Variants in MAST4 observed in about 807,000 individuals in gnomAD.
MAST4 encodes microtubule-associated serine/threonine-protein kinase 4.
In MAST4, 89 loss-of-function variants were observed where a neutral mutation model predicts 162.7. That is an observed-to-expected ratio of 0.55 (90% CI 0.46 to 0.65). The LOEUF is 0.65. Among genes scored for constraint, MAST4 ranks in the 30% least tolerant of loss-of-function variants. The probability of loss-of-function intolerance (pLI) is 0.00; values close to 1 mark genes in which losing one functional copy is unlikely to be tolerated. For missense variants in MAST4, 3,153 were observed against 3,374.0 expected (o/e 0.93, Z 1.62); for synonymous variants, 1,479 against 1,361.1 (o/e 1.09, Z -1.91).
At chr5:66,749,905 T>C (rs1477095559) in intron 1 of MAST4, among the ~76,000 whole-genome samples, 4 of 152,236 alleles carry the variant, frequency 2.6e-5, no homozygotes, top group Admixed American at 1.3e-4. Context: ...ATATTGATTA[T>C]AGGCTTCGGT....
intron 4 of MAST4, among the ~76,000 whole-genome samples, chr5:66,921,616 C>A (rs71610543): frequency 6.6e-6 from 1 of 151,898 alleles, no homozygotes; most frequent in Admixed American, 6.6e-5. Context: ...AAAAATTAGC[C>A]GGTATGGTGG....
rs985083937 is a variant in MAST4, at chr5:66,925,056, G to T, written c.674+25074G>T. 1.7e-4 allele frequency among the ~76,000 whole-genome samples: 26 copies of T among 152,142 alleles called. 1 individual carries two copies. Among genetic ancestry groups the T allele is most frequent in the Non-Finnish European group, 1.5e-5 (1 of 68,028 alleles). On this transcript the variant is annotated intron_variant, in intron 4 of 28. Coordinates refer to ENST00000403625, the MANE Select transcript of MAST4 (RefSeq NM_001164664.2). ...TTTTACCCATAATCTAACCATGTAG[G>T]ATAGTTGGCACAAATGTTTTTCTAT...
In MAST4 at chr5:67,163,149, A is replaced by T. The variant is rs1206678214; in HGVS notation, c.3970A>T (p.Thr1324Ser). ...AGCCTTCTGTTTTCCATCCACAGGT[A>T]CTAATTCCTCCCAGAGCAGCTCCCC... ...YRSTPDFPSGTNSSQSSSPSS... is the reference protein window; with the variant it reads ...YRSTPDFPSGSNSSQSSSPSS... The change falls in exon 29 of 29, where the codon ACT (threonine) becomes TCT (serine). Residue 1324 changes from threonine (T) to serine (S), a missense_variant and splice_region_variant. Thr to Ser is a moderately conservative substitution (Grantham distance 58). This residue lies in a region of MAST4 where 619 missense variants were observed against 744.2 expected (regional missense o/e 0.83). Coordinates refer to ENST00000403625, the MANE Select transcript of MAST4 (RefSeq NM_001164664.2). This position sits in a 1 kb window ranked among gnomAD's most constrained non-coding sequence, Gnocchi z 7.0. 8 of 1,601,290 alleles carry T rather than the reference A, an allele frequency of 5.0e-6. No individual in the cohort carries two copies. Among genetic ancestry groups the T allele is most frequent in the Non-Finnish European group, 6.8e-6 (8 of 1,170,274 alleles).
At chr5:66,878,982 TAAGAAAAGTAC>T (rs1327591568) in intron 3 of MAST4, among the ~76,000 whole-genome samples, 1 of 152,178 alleles carries the variant, frequency 6.6e-6, no homozygotes, top group African/African-American at 2.4e-5. Context: ...ACTACCCTTA[TAAGAAAAGTAC>T]AATGGGCCGG....
At chr5:66,817,418 G>T (rs1281372944) in intron 3 of MAST4, among the ~76,000 whole-genome samples, 2 of 152,168 alleles carry the variant, frequency 1.3e-5, no homozygotes, top group African/African-American at 4.8e-5. Flanking sequence ...ATGTTCTGTT[G>T]TGTGGTATTA....
chr5:66,845,085 TTATATATATATATA>T (rs752796951), intron 3 of MAST4, among the ~76,000 whole-genome samples: 601 of 57,976 alleles, frequency 0.01, 21 homozygotes, highest in African/African-American at 0.033. Flanking sequence ...TCACTAATCT[TTATATATATATATA>T]TATATATATA....
At chr5:66,816,708 C>T (rs1167698218) in intron 3 of MAST4, among the ~76,000 whole-genome samples, 4 of 152,182 alleles carry the variant, frequency 2.6e-5, no homozygotes, top group Non-Finnish European at 2.9e-5. Context: ...TGCCTTTGCA[C>T]ATGCGGCTCT....
chr5:66,837,811 TGTA>T (rs1317045125), intron 3 of MAST4, among the ~76,000 whole-genome samples: 32 of 147,794 alleles, frequency 2.2e-4, no homozygotes, highest in Non-Finnish European at 4.0e-4. Context: ...GCCTTTAAAA[TGTA>T]TGTCAGTGCT....
At chr5:67,045,801 A>G (rs468325) in intron 4 of MAST4, among the ~76,000 whole-genome samples, 21,520 of 152,222 alleles carry the variant, frequency 0.14, 1,595 homozygotes, top group Middle Eastern at 0.22. Context: ...CCAAGAATTT[A>G]TGTTAAAATA....
intron 1 of MAST4, among the ~76,000 whole-genome samples, chr5:66,716,524 A>ATT (rs60763794): frequency 9.7e-5 from 14 of 143,604 alleles, no homozygotes; most frequent in Admixed American, 1.4e-4. Flanking sequence ...TAAAAAAAAA[A>ATT]TTTTTTTTTT....
At chr5:66,905,865 T>G (rs1408637899) in intron 4 of MAST4, among the ~76,000 whole-genome samples, 1 of 152,082 alleles carries the variant, frequency 6.6e-6, no homozygotes, top group Non-Finnish European at 1.5e-5. Context: ...TTAAGATAAG[T>G]GATTATGGAA....
intron 3 of MAST4, among the ~76,000 whole-genome samples, chr5:66,790,355 G>A (rs1473390544): frequency 6.6e-6 from 1 of 152,016 alleles, no homozygotes; most frequent in Non-Finnish European, 1.5e-5. Flanking sequence ...GATGAAAAGA[G>A]GCATTAAACA....
At chr5:66,781,072 T>G (rs931752082) in intron 2 of MAST4, among the ~76,000 whole-genome samples, 1 of 152,194 alleles carries the variant, frequency 6.6e-6, no homozygotes, top group African/African-American at 2.4e-5. Flanking sequence ...TGAGTAATAT[T>G]CCATTGCGCT....
chr5:66,751,156 C>T (rs1753136545), intron 1 of MAST4, among the ~76,000 whole-genome samples: 1 of 152,066 alleles, frequency 6.6e-6, no homozygotes, highest in Non-Finnish European at 1.5e-5. Flanking sequence ...ACATCACCAT[C>T]ATCAAAGACC....
At chr5:66,729,957 C>A (rs1361712087) in intron 1 of MAST4, among the ~76,000 whole-genome samples, 13 of 152,190 alleles carry the variant, frequency 8.5e-5, no homozygotes, top group Non-Finnish European at 1.8e-4. Context: ...TGTCAGGGAG[C>A]AGCCTCATGA....
At chr5:66,721,339 A>G (rs751087325) in intron 1 of MAST4, among the ~76,000 whole-genome samples, 1 of 152,082 alleles carries the variant, frequency 6.6e-6, no homozygotes, top group Non-Finnish European at 1.5e-5. Flanking sequence ...ACTCTTGTCA[A>G]TGTCATAATC....
intron 1 of MAST4, among the ~76,000 whole-genome samples, chr5:66,712,257 A>G (rs1166722143): frequency 6.6e-6 from 1 of 152,258 alleles, no homozygotes; most frequent in Non-Finnish European, 1.5e-5. Flanking sequence ...ACCTTAGAAC[A>G]TAATGTCAAA....
chr5:66,752,959 C>A (rs1753280037), intron 1 of MAST4, among the ~76,000 whole-genome samples: 1 of 151,516 alleles, frequency 6.6e-6, no homozygotes, highest in Non-Finnish European at 1.5e-5. Flanking sequence ...ATCTCTCAGA[C>A]CACAGTGCAA....
intron 3 of MAST4, among the ~76,000 whole-genome samples, chr5:66,826,864 C>T (rs980588745): frequency 6.6e-6 from 1 of 152,188 alleles, no homozygotes; most frequent in Non-Finnish European, 1.5e-5. Flanking sequence ...TTCGGAGCTG[C>T]TGCCAAGGCT....
Sources: gnomAD v4.1 joint callset for allele counts (sites outside exome capture counted in the v4.1 genomes callset) on GRCh38, gnomAD v4.1.1 for gene constraint, gnomAD v4.1.1 regional missense constraint, Gnocchi (gnomAD v3.1) non-coding constraint, MANE v1.5 for transcripts, NCBI Gene and HGNC (gene_info 2026-07-23, HGNC 2026-07-21) for gene names.